Variants in PPRC1 observed in about 807,000 individuals in gnomAD.
PPRC1 encodes peroxisome proliferator-activated receptor gamma coactivator-related protein 1.
Under a neutral mutation model 132.5 loss-of-function variants are expected in PPRC1, and 23 were observed. That is an observed-to-expected ratio of 0.17 (90% CI 0.12 to 0.25). The LOEUF (loss-of-function observed/expected upper bound fraction) is 0.25. PPRC1 is among the 10% of genes least tolerant of loss of function. PPRC1 has a pLI of 1.00. For missense variants in PPRC1, 2,006 were observed against 2,089.1 expected (o/e 0.96, Z 0.78); for synonymous variants, 872 against 833.5 (o/e 1.05, Z -0.80).
rs747810341 is a variant in PPRC1, at chr10:102,140,149, T to C, written c.1641T>C (p.Ser547=). The change falls in exon 5 of 14, where the codon AGT becomes AGC. Residue 547 remains serine (S), a synonymous_variant. Coordinates refer to ENST00000278070, the MANE Select transcript of PPRC1 (RefSeq NM_015062.5). Reference sequence around the variant, plus strand: ...ACTTGGAGAGAAGTGCTGGACAAAGTAGTCCTGCTAAAGAAGGCCCTCTAG... The same window carrying C: ...ACTTGGAGAGAAGTGCTGGACAAAGCAGTCCTGCTAAAGAAGGCCCTCTAG... The part of the protein sequence containing the change: ...PKNLERSAGQ[S]SPAKEGPLDL... The C allele has an allele frequency of 3.7e-6, 6 of 1,614,198 alleles. No homozygotes were observed. In the South Asian group the frequency reaches 6.6e-5, roughly 18 times the overall value.
Position 102,140,624 on chromosome 10 carries a change from G to C in PPRC1, c.2116G>C (p.Ala706Pro). The change falls in exon 5 of 14, where the codon GCA becomes CCA. Residue 706 changes from alanine (A) to proline (P), a missense_variant. Transcript: ENST00000278070. ...AGTGTCATCAGCCCTGGGGGGTTCAGCACCCCAGCTCCTCGTGGAGTCAGA... is the reference window on the plus strand; with the variant it reads ...AGTGTCATCAGCCCTGGGGGGTTCACCACCCCAGCTCCTCGTGGAGTCAGA... ...GAVSSALGGSAPQLLVESESL... is the reference protein window; with the variant it reads ...GAVSSALGGSPPQLLVESESL... 2 of 1,614,052 alleles carry C rather than the reference G, an allele frequency of 1.2e-6. No homozygotes were observed. Among genetic ancestry groups the C allele is most frequent in the Non-Finnish European group, 1.7e-6 (2 of 1,180,014 alleles).
intron 1 of PPRC1, among the ~76,000 whole-genome samples, chr10:102,134,027 G>A (rs548825408): frequency 2.9e-4 from 44 of 152,160 alleles, no homozygotes; most frequent in African/African-American, 1.0e-3. Flanking sequence ...GGGTTGTGGA[G>A]GAGTGAGTTT....
In PPRC1 at chr10:102,141,033, C is replaced by T; in HGVS notation, c.2525C>T (p.Ser842Phe). The T allele has an allele frequency of 6.2e-7, 1 of 1,614,190 alleles. No individual in the cohort carries two copies. Among genetic ancestry groups the T allele is most frequent in the South Asian group, 1.1e-5 (1 of 91,088 alleles). ...EPPVSKPVAS[S>F]PTEQVPSQEM... is the part of the protein sequence containing the mutation. Reference sequence around the variant, plus strand: ...CCTGTAAGCAAACCTGTGGCCTCATCTCCCACTGAGCAGGTGCCATCCCAG... The same window carrying T: ...CCTGTAAGCAAACCTGTGGCCTCATTTCCCACTGAGCAGGTGCCATCCCAG... The change falls in exon 5 of 14, where the codon TCT becomes TTT. Residue 842 changes from serine to phenylalanine, a missense_variant. By Grantham distance (155) the Ser-to-Phe change is radical. Coordinates refer to ENST00000278070, the MANE Select transcript of PPRC1 (RefSeq NM_015062.5).
Position 102,147,166 on chromosome 10 carries a change from C to G in PPRC1, c.4174C>G (p.Pro1392Ala). Residue 1392 changes from proline (P) to alanine (A), a missense_variant, in exon 9 of 14, where the codon CCC becomes GCC. Coordinates refer to ENST00000278070, the MANE Select transcript of PPRC1 (RefSeq NM_015062.5). ...PCRNDMNTRTPPEPSAKQRSM... is the reference protein window; with the variant it reads ...PCRNDMNTRTAPEPSAKQRSM... ...CCGGAATGACATGAACACTAGGACT[C>G]CCCCTGAACCCTCAGCCAAGCAGCG... The G allele has an allele frequency of 1.2e-6, 2 of 1,614,158 alleles. No individual in the cohort carries two copies. Among genetic ancestry groups the G allele is most frequent in the Non-Finnish European group, 1.7e-6 (2 of 1,180,038 alleles).
chr10:102,126,664 G>T, the PPRC1 span, among the ~76,000 whole-genome samples: 8 of 151,762 alleles, frequency 5.3e-5, no homozygotes, highest in African/African-American at 1.7e-4. Context: ...TCATCATGTT[G>T]GCTAGGCTGG....
At chr10:102,120,541 G>A in the PPRC1 span, 1 of 250,328 alleles carries the variant, frequency 4.0e-6, no homozygotes, top group Non-Finnish European at 6.3e-6. Context: ...TCCTGCTAGT[G>A]GGAGGGGAGA....
chr10:102,146,239 G>A (rs1369893217), intron 8 of PPRC1, among the ~76,000 whole-genome samples: 1 of 152,190 alleles, frequency 6.6e-6, no homozygotes, highest in East Asian at 1.9e-4. Context: ...AAGAAACTTT[G>A]CCAGATTGGT....
At chr10:102,126,066 T>C in the PPRC1 span, among the ~76,000 whole-genome samples, 1 of 152,102 alleles carries the variant, frequency 6.6e-6, no homozygotes, top group Non-Finnish European at 1.5e-5. Context: ...TTCACCATGT[T>C]GGTCAGGCTC....
chr10:102,125,864 C>CTT, the PPRC1 span, among the ~76,000 whole-genome samples: 20 of 137,988 alleles, frequency 1.4e-4, no homozygotes, highest in South Asian at 4.7e-4. Flanking sequence ...TCTTTCTTTT[C>CTT]TTTTTTTTTT....
At position 102,145,059 on chromosome 10, in the gene PPRC1, G is replaced by T. The variant is rs748503549; in HGVS notation, c.3648G>T (p.Arg1216=). The T allele has an allele frequency of 1.9e-6, 3 of 1,613,886 alleles. No individual in the cohort carries two copies. The African/African-American group carries it at 4.0e-5, about 22-fold the overall frequency. The change falls in exon 8 of 14, where the codon CGG becomes CGT. Residue 1216 remains arginine, a synonymous_variant. Coordinates refer to ENST00000278070, the MANE Select transcript of PPRC1 (RefSeq NM_015062.5). ...DIPQEKRPLD[R]LQAPELANVA... The stretch of plus-strand genomic sequence containing the variant: ...CCCAGGAGAAGAGGCCCCTAGACCG[G>T]TTACAAGCCCCAGAACTGGCCAACG...
In PPRC1 at chr10:102,140,963, C is replaced by G; in HGVS notation, c.2455C>G (p.Leu819Val). The change falls in exon 5 of 14, where the codon CTT becomes GTT. Residue 819 changes from leucine to valine, a missense_variant. Transcript: ENST00000278070. ...CCCTGAAACACCCCTTGAGATTTGC[C>G]TTGTGCCTGTAGGTCCCAGCCCTGC... ...RSPETPLEIC[L>V]VPVGPSPASP... 6.2e-7 allele frequency: 1 copy of G among 1,614,032 alleles called. No homozygotes were observed. Among genetic ancestry groups the G allele is most frequent in the South Asian group, 1.1e-5 (1 of 91,090 alleles).
chr10:102,145,644 C>T (rs1292146740), intron 8 of PPRC1, among the ~76,000 whole-genome samples: 2 of 151,538 alleles, frequency 1.3e-5, no homozygotes, highest in East Asian at 3.9e-4. Context: ...GCAGGTGGAT[C>T]ACGAGGTCAG....
chr10:102,129,588 A>AT (rs901307000), upstream of PPRC1, among the ~76,000 whole-genome samples: 16 of 151,450 alleles, frequency 1.1e-4, no homozygotes, highest in East Asian at 1.9e-4. Context: ...GTAGCATTTT[A>AT]TTTTTTTTTA....
chr10:102,120,538 AGTGGGAGGGGAGAGCC>A, the PPRC1 span: 2 of 255,626 alleles, frequency 7.8e-6, no homozygotes, highest in Non-Finnish European at 1.2e-5. Flanking sequence ...TTGTCCTGCT[AGTGGGAGGGGAGAGCC>A]GTGTCAAAGT....
At chr10:102,146,582 G>GGT (rs939478666) in intron 8 of PPRC1, 90 bp from the exon 9 acceptor site, 3 of 1,476,922 alleles carry the variant, frequency 2.0e-6, no homozygotes, top group Non-Finnish European at 2.7e-6. Context: ...TGTGAGATGA[G>GGT]GTGGGGGTCT....
At chr10:102,120,927 T>G in the PPRC1 span, among the ~76,000 whole-genome samples, 2 of 149,736 alleles carry the variant, frequency 1.3e-5, no homozygotes, top group African/African-American at 5.1e-5. Context: ...GACGCCAGCC[T>G]TCTTCTGGAG....
upstream of PPRC1, among the ~76,000 whole-genome samples, chr10:102,128,371 C>T (rs2068494346): frequency 6.6e-6 from 1 of 151,794 alleles, no homozygotes; most frequent in Non-Finnish European, 1.5e-5. Context: ...ATCTCCTGAC[C>T]TCCCACATTT....
At position 102,148,238 on chromosome 10, in the gene PPRC1, T is replaced by TA; in HGVS notation, c.4401-134_4401-133insA. ...TTCATCTCTGAATGAAAATTGTTCT[T>TA]CTAGACCTCTTCTACTCTGCTTTGT... is the stretch of plus-strand genomic sequence containing the variant. On this transcript the variant is annotated intron_variant, in intron 9 of 13. Transcript: ENST00000278070. This position sits in a 1 kb window ranked among gnomAD's most constrained non-coding sequence, Gnocchi z 4.2. The TA allele has an allele frequency of 9.7e-7, 1 of 1,031,418 alleles. No individual in the cohort carries two copies. The highest frequency in any genetic ancestry group is 2.4e-5 in the East Asian group (1 of 41,990). The allele number at this position is 1,031,418 out of a possible 1,614,324, so 63.9% of individuals were successfully genotyped here. A position where few individuals can be genotyped will look rare whatever the true frequency, so the allele number is the denominator to read the frequency against.
the PPRC1 span, among the ~76,000 whole-genome samples, chr10:102,122,625 G>T: frequency 6.6e-6 from 1 of 151,902 alleles, no homozygotes; most frequent in Non-Finnish European, 1.5e-5. Flanking sequence ...GACCACTTAC[G>T]CCTAAGGCCA....
Sources: gnomAD v4.1 joint callset for allele counts (sites outside exome capture counted in the v4.1 genomes callset) on GRCh38, gnomAD v4.1.1 for gene constraint, Gnocchi (gnomAD v3.1) non-coding constraint, MANE v1.5 for transcripts, NCBI Gene and HGNC (gene_info 2026-07-23, HGNC 2026-07-21) for gene names.